MALRD1: variants seen among roughly 807,000 people sequenced by gnomAD.
MALRD1 encodes the protein MAM and LDL receptor class A domain containing 1.
In MALRD1, 247 loss-of-function variants were observed where a neutral mutation model predicts 242.1. The observed-to-expected ratio is 1.02, with a 90% confidence interval of 0.92 to 1.13. The LOEUF is 1.13. Ranked by LOEUF, MALRD1 falls within the 50% of genes most tolerant of loss-of-function variation. MALRD1 has a pLI of 0.00. For synonymous variants in MALRD1, 995 were observed against 866.6 expected (o/e 1.15, Z -2.60); for missense variants, 2,989 against 2,533.1 (o/e 1.18, Z -3.86).
intron 28 of MALRD1, among the ~76,000 whole-genome samples, chr10:19,430,812 A>G (rs535027457): frequency 6.6e-6 from 1 of 152,336 alleles, no homozygotes; most frequent in South Asian, 2.1e-4. Flanking sequence ...AGCAAGTTAA[A>G]TATGCCTTGT....
Position 19,205,193 on chromosome 10 carries a change from G to T in MALRD1, c.2506G>T (p.Ala836Ser), listed in dbSNP as rs754292257. The T allele has an allele frequency of 1.9e-5, 29 of 1,550,892 alleles. No individual in the cohort carries two copies. The highest frequency in any genetic ancestry group is 1.6e-4 in the Admixed American group (8 of 50,956). ...LDHFWCRHTRACIEKLRLCDL... is the reference protein window; with the variant it reads ...LDHFWCRHTRSCIEKLRLCDL... ...TCATTTCTGGTGTCGCCACACCAGG[G>T]CTTGCATAGAAAAGCTTCGGTTATG... Residue 836 changes from alanine (A) to serine (S), a missense_variant, in exon 17 of 40, where the codon GCT (alanine) becomes TCT (serine). Physicochemically the swap from Ala to Ser is moderately conservative, Grantham distance 99. Transcript: ENST00000454679.
At chr10:19,733,829 A>G (rs1037717154) in intron 39 of MALRD1, among the ~76,000 whole-genome samples, 6 of 152,040 alleles carry the variant, frequency 3.9e-5, no homozygotes, top group African/African-American at 1.2e-4. Context: ...GTTTTGTCTA[A>G]CCTAACTATA....
chr10:19,230,296 A>G lies in MALRD1; in HGVS notation c.2991+20616A>G, dbSNP rs118102651. Among the ~76,000 whole-genome samples the G allele has an allele frequency of 6.4e-3, 973 of 152,170 alleles. 13 individuals are homozygous for G. Among genetic ancestry groups the G allele is most frequent in the Non-Finnish European group, 5.7e-3 (387 of 68,000 alleles). On this transcript the variant is annotated intron_variant, in intron 18 of 39. Transcript: ENST00000454679. ...CCCATTTGCATTGTTATAAAGAAAT[A>G]CCTGAGGCTGGGTAATTTATAAAGA...
At chr10:19,306,217 CACAT>C (rs562098082) in intron 21 of MALRD1, among the ~76,000 whole-genome samples, 3 of 130,158 alleles carry the variant, frequency 2.3e-5, no homozygotes, top group African/African-American at 8.5e-5. Flanking sequence ...TATATACACA[CACAT>C]ACTATATATA....
intron 12 of MALRD1, among the ~76,000 whole-genome samples, chr10:19,162,064 A>G (rs1357206683): frequency 3.3e-5 from 5 of 152,152 alleles, no homozygotes; most frequent in South Asian, 4.2e-4. Context: ...CAACAACAAC[A>G]AAAACAAAAC....
intron 26 of MALRD1, among the ~76,000 whole-genome samples, chr10:19,377,644 T>TC (rs1162787266): frequency 5.0e-5 from 7 of 139,808 alleles, no homozygotes; most frequent in African/African-American, 2.1e-4. Flanking sequence ...TAATTATTTT[T>TC]TTTTCATTTT....
Position 19,373,227 on chromosome 10 carries a change from G to T in MALRD1, c.4442-14301G>T, listed in dbSNP as rs113693314. Among the ~76,000 whole-genome samples, 158 of 109,376 alleles carry T rather than the reference G, an allele frequency of 1.4e-3. 3 individuals are homozygous for T. The highest frequency in any genetic ancestry group is 5.7e-3 in the African/African-American group (154 of 27,148). 71.8% of individuals were successfully genotyped at this position (109,376 alleles called of 152,430 possible). A position where few individuals can be genotyped will look rare whatever the true frequency, so the allele number is the denominator to read the frequency against. On this transcript the variant is annotated intron_variant, in intron 26 of 39. Coordinates refer to ENST00000454679, the MANE Select transcript of MALRD1 (RefSeq NM_001142308.3). ...ACAAAAAAAAAAAAAAAAATAAGGG[G>T]CCGGGCACGGTGGCTCATGCGTGTA... is the stretch of plus-strand genomic sequence containing the variant.
At chr10:19,101,069 A>G (rs1166764239) in intron 4 of MALRD1, among the ~76,000 whole-genome samples, 3 of 151,996 alleles carry the variant, frequency 2.0e-5, no homozygotes, top group Admixed American at 2.0e-4. Flanking sequence ...CTAACTATAT[A>G]CCAGGTGCTG....
At chr10:19,520,737 T>C (rs1833841283) in intron 31 of MALRD1, among the ~76,000 whole-genome samples, 1 of 152,150 alleles carries the variant, frequency 6.6e-6, no homozygotes, top group Admixed American at 6.5e-5. Flanking sequence ...TTTACCTTAG[T>C]GATGTTTCGA....
At chr10:19,717,381 T>G (rs1235889873) in intron 38 of MALRD1, among the ~76,000 whole-genome samples, 2 of 152,230 alleles carry the variant, frequency 1.3e-5, no homozygotes, top group African/African-American at 4.8e-5. Flanking sequence ...ATAACTGACT[T>G]TACTGGCAGC....
intron 32 of MALRD1, among the ~76,000 whole-genome samples, chr10:19,563,292 T>A (rs2131447163): frequency 6.6e-6 from 1 of 152,330 alleles, no homozygotes; most frequent in East Asian, 1.9e-4. Flanking sequence ...TCAACTTACC[T>A]TAAAACCTGT....
intron 14 of MALRD1, among the ~76,000 whole-genome samples, chr10:19,190,976 A>AT (rs1367378079): frequency 6.6e-6 from 1 of 152,154 alleles, no homozygotes; most frequent in Non-Finnish European, 1.5e-5. Context: ...GAGCTTTAAA[A>AT]TTTTTTGCAT....
At chr10:19,400,534 A>G (rs1196201526) in intron 28 of MALRD1, among the ~76,000 whole-genome samples, 1 of 152,182 alleles carries the variant, frequency 6.6e-6, no homozygotes, top group African/African-American at 2.4e-5. Flanking sequence ...AGCACATAGT[A>G]GGTATTAAAC....
intron 20 of MALRD1, 70 bp downstream of exon 20, chr10:19,280,293 G>C: frequency 8.3e-7 from 1 of 1,200,550 alleles, no homozygotes; most frequent in Non-Finnish European, 1.1e-6. Flanking sequence ...TCTCTAAGTA[G>C]CACAGCCTAG....
At position 19,200,688 on chromosome 10, in the gene MALRD1, C is replaced by T. The variant is rs556004519; in HGVS notation, c.1952-3040C>T. Among the ~76,000 whole-genome samples, 48 of 53,158 alleles carry T rather than the reference C, an allele frequency of 9.0e-4. 1 individual carries two copies. The South Asian group carries it at 0.018, about 20-fold the overall frequency. 34.9% of individuals were successfully genotyped at this position (53,158 alleles called of 152,430 possible). ...TTTTTTTTTGGCTTCTACATAAATTCGTCTTCTTTTATCTCAATGAAGAGC... is the reference window on the plus strand; with the variant it reads ...TTTTTTTTTGGCTTCTACATAAATTTGTCTTCTTTTATCTCAATGAAGAGC... On this transcript the variant is annotated intron_variant, in intron 14 of 39. Coordinates refer to ENST00000454679, the MANE Select transcript of MALRD1 (RefSeq NM_001142308.3).
chr10:19,055,298 C>T (rs1320388621), intron 1 of MALRD1, among the ~76,000 whole-genome samples: 1 of 152,156 alleles, frequency 6.6e-6, no homozygotes, highest in Non-Finnish European at 1.5e-5. Flanking sequence ...TTCTGAATAT[C>T]AACCATTATC....
chr10:19,572,219 C>T (rs1836587435), intron 33 of MALRD1, among the ~76,000 whole-genome samples: 1 of 152,172 alleles, frequency 6.6e-6, no homozygotes, highest in Admixed American at 6.6e-5. Flanking sequence ...TAGAGCGTCT[C>T]CAGAAATTCT....
intron 14 of MALRD1, among the ~76,000 whole-genome samples, chr10:19,176,385 T>TTTTTTTTTTG (rs1835242104): frequency 7.7e-6 from 1 of 130,470 alleles, no homozygotes; most frequent in Non-Finnish European, 1.7e-5. Flanking sequence ...TTTTTTTTTT[T>TTTTTTTTTTG]GAGACGGAGT....
Position 19,352,017 on chromosome 10 carries a change from T to A in MALRD1, c.4161T>A (p.His1387Gln). 1 of 1,546,656 alleles carries A rather than the reference T, an allele frequency of 6.5e-7. No homozygotes were observed. Among genetic ancestry groups the A allele is most frequent in the Non-Finnish European group, 8.7e-7 (1 of 1,143,652 alleles). Residue 1387 changes from histidine to glutamine, a missense_variant, in exon 26 of 40, where the codon CAT (histidine) becomes CAA (glutamine). Transcript: ENST00000454679. The stretch of plus-strand genomic sequence containing the variant: ...ATTCTTGATTACAGATTATTTTTCA[T>A]TATCACATGTATGGAAATGGCATTG... ...KRSKNCKIIF[H>Q]YHMYGNGIGA... is the part of the protein sequence containing the mutation.
Sources: allele counts gnomAD v4.1 joint callset (sites outside exome capture counted in the v4.1 genomes callset), GRCh38; gene constraint gnomAD v4.1.1; transcripts MANE v1.5; gene names NCBI Gene and HGNC (gene_info 2026-07-23, HGNC 2026-07-21).